Variants in FOXO3 observed in about 807,000 individuals in gnomAD.
The protein encoded by FOXO3 is forkhead box protein O3.
Under a neutral mutation model 41.9 loss-of-function variants are expected in FOXO3, and 4 were observed. The observed-to-expected ratio is 0.10, with a 90% CI of 0.05 to 0.22. The LOEUF (loss-of-function observed/expected upper bound fraction) is 0.22. Among genes scored for constraint, FOXO3 ranks in the 10% least tolerant of loss-of-function variants. The pLI is 1.00. For missense variants in FOXO3, 534 were observed against 906.8 expected (o/e 0.59, Z 5.28); for synonymous variants, 318 against 389.3 (o/e 0.82, Z 2.16).
chr6:108,596,382 GAAAAA>G (rs61683111), intron 1 of FOXO3, among the ~76,000 whole-genome samples: 3 of 58,294 alleles, frequency 5.1e-5, no homozygotes, highest in Admixed American at 2.1e-4. Flanking sequence ...TGGCCTAAAT[GAAAAA>G]AAAAAAAAAA....
intron 1 of FOXO3, among the ~76,000 whole-genome samples, chr6:108,582,269 G>A (rs1037204993): frequency 3.3e-5 from 5 of 152,152 alleles, no homozygotes; most frequent in African/African-American, 1.2e-4. Flanking sequence ...TATGTGCTAG[G>A]TGTGGGAAGC....
In FOXO3 at chr6:108,684,742, AT is replaced by A. The variant is rs1156299994; in HGVS notation, c.*4951del. ...TAGTTTGTAAAAGAGATGGTGACGC[AT>A]GTAAATAAAGCATCAGTGACACTCT... is the stretch of plus-strand genomic sequence containing the variant. On this transcript the variant is annotated 3_prime_UTR_variant, in exon 3 of 3. Coordinates refer to ENST00000406360, the MANE Select transcript of FOXO3 (RefSeq NM_001455.4). 1 of 152,640 alleles carries A rather than the reference AT, an allele frequency of 6.6e-6. No individual in the cohort carries two copies. Among genetic ancestry groups the A allele is most frequent in the African/African-American group, 2.4e-5 (1 of 41,442 alleles). 9.5% of individuals were successfully genotyped at this position (152,640 alleles called of 1,614,324 possible). A position where few individuals can be genotyped will look rare whatever the true frequency, so the allele number is the denominator to read the frequency against.
At chr6:108,644,039 C>T (rs529637776) in intron 1 of FOXO3, among the ~76,000 whole-genome samples, 2 of 152,304 alleles carry the variant, frequency 1.3e-5, no homozygotes, top group African/African-American at 4.8e-5. Context: ...TTTTATGTCC[C>T]TCACTGGAAA....
chr6:108,660,854 C>G (rs1184648310), intron 1 of FOXO3, among the ~76,000 whole-genome samples: 1 of 152,122 alleles, frequency 6.6e-6, no homozygotes. Context: ...CCACACTTCT[C>G]TGTCCCCTGC....
chr6:108,612,382 A>C (rs1777387319), intron 1 of FOXO3, among the ~76,000 whole-genome samples: 1 of 152,074 alleles, frequency 6.6e-6, no homozygotes, highest in Non-Finnish European at 1.5e-5. Flanking sequence ...GATCATGTCT[A>C]TAAATAGAGT....
intron 1 of FOXO3, among the ~76,000 whole-genome samples, chr6:108,622,385 G>A (rs1233622757): frequency 6.6e-6 from 1 of 152,088 alleles, no homozygotes; most frequent in Non-Finnish European, 1.5e-5. Context: ...ATCAGGGTGG[G>A]CAGGGAGAGA....
chr6:108,582,219 G>C (rs1419305985), intron 1 of FOXO3, among the ~76,000 whole-genome samples: 1 of 152,138 alleles, frequency 6.6e-6, no homozygotes, highest in African/African-American at 2.4e-5. Context: ...GTGCCTACCA[G>C]CTGCTTTTAG....
chr6:108,565,556 G>A (rs111254195), intron 1 of FOXO3, among the ~76,000 whole-genome samples: 5,446 of 152,278 alleles, frequency 0.036, 134 homozygotes, highest in Middle Eastern at 0.095. Context: ...CCATGGGTCA[G>A]GGTGTAATCA....
At chr6:108,661,336 G>A (rs58334534) in intron 1 of FOXO3, among the ~76,000 whole-genome samples, 7,983 of 151,860 alleles carry the variant, frequency 0.053, 716 homozygotes, top group African/African-American at 0.18. Context: ...ATATATATAT[G>A]TATATATAAC....
Position 108,663,887 on chromosome 6 carries a change from G to T in FOXO3, c.1054G>T (p.Ala352Ser), listed in dbSNP as rs368771621. Residue 352 changes from alanine (A) to serine (S), a missense_variant, in exon 2 of 3, where the codon GCC (alanine) becomes TCC (serine). This residue lies in a region of FOXO3 where 185 missense variants were observed against 224.9 expected (regional missense o/e 0.82). Transcript: ENST00000406360. ...CTCGCCCATGCTCTACAGCAGCTCAGCCAGCCTGTCACCTTCAGTAAGCAA... is the reference window on the plus strand; with the variant it reads ...CTCGCCCATGCTCTACAGCAGCTCATCCAGCCTGTCACCTTCAGTAAGCAA... ...PLSPMLYSSS[A>S]SLSPSVSKPC... is the part of the protein sequence containing the mutation. 1.9e-6 allele frequency: 3 copies of T among 1,614,188 alleles called. No homozygotes were observed. Among genetic ancestry groups the T allele is most frequent in the Non-Finnish European group, 2.5e-6 (3 of 1,180,006 alleles).
Position 108,612,920 on chromosome 6 carries a change from G to A in FOXO3, c.622-50535G>A, listed in dbSNP as rs1185141548. Among the ~76,000 whole-genome samples the A allele has an allele frequency of 2.0e-5, 3 of 152,130 alleles. No individual in the cohort carries two copies. In the East Asian group the frequency reaches 5.8e-4, roughly 29 times the overall value. On this transcript the variant is annotated intron_variant, in intron 1 of 2. Transcript: ENST00000406360. ...ATATTTCCTTTATCAGGCTGAGGTA[G>A]TTTTCTCTATTCCTATGTGTTGAGT... is the stretch of plus-strand genomic sequence containing the variant.
chr6:108,565,674 A>G (rs1775931066), intron 1 of FOXO3, among the ~76,000 whole-genome samples: 1 of 152,224 alleles, frequency 6.6e-6, no homozygotes, highest in African/African-American at 2.4e-5. Flanking sequence ...TAATTCTTCA[A>G]GAGTCCGAGT....
intron 1 of FOXO3, among the ~76,000 whole-genome samples, chr6:108,584,097 T>C (rs1193976161): frequency 6.6e-6 from 1 of 152,200 alleles, no homozygotes; most frequent in African/African-American, 2.4e-5. Context: ...TATTCATCCA[T>C]TTAGTTTCAT....
At chr6:108,673,803 A>G (rs977255549) in intron 2 of FOXO3, among the ~76,000 whole-genome samples, 2 of 152,156 alleles carry the variant, frequency 1.3e-5, no homozygotes, top group Non-Finnish European at 2.9e-5. Flanking sequence ...AGAGTCATAC[A>G]GGATAGGGTC....
chr6:108,573,758 G>A (rs776563407), intron 1 of FOXO3, among the ~76,000 whole-genome samples: 47 of 152,168 alleles, frequency 3.1e-4, no homozygotes, highest in Admixed American at 5.9e-4. Flanking sequence ...GAACCCGGGA[G>A]GTGGAGGTTG....
intron 1 of FOXO3, among the ~76,000 whole-genome samples, chr6:108,571,734 C>T (rs1343262302): frequency 1.3e-5 from 2 of 152,152 alleles, no homozygotes; most frequent in Non-Finnish European, 2.9e-5. Flanking sequence ...TTTTGGACTT[C>T]TAGCCTCCAG....
At chr6:108,640,641 A>G (rs879636951) in intron 1 of FOXO3, among the ~76,000 whole-genome samples, 1 of 152,148 alleles carries the variant, frequency 6.6e-6, no homozygotes, top group Admixed American at 6.5e-5. Context: ...CATTTAGTCA[A>G]TTTGAGGTTT....
At chr6:108,588,836 T>C (rs1776657382) in intron 1 of FOXO3, among the ~76,000 whole-genome samples, 1 of 152,222 alleles carries the variant, frequency 6.6e-6, no homozygotes, top group Non-Finnish European at 1.5e-5. Flanking sequence ...GCTGGGATTA[T>C]TTTCTGCAAC....
chr6:108,630,989 T>C (rs1777958919), intron 1 of FOXO3, among the ~76,000 whole-genome samples: 1 of 152,194 alleles, frequency 6.6e-6, no homozygotes, highest in Non-Finnish European at 1.5e-5. Context: ...TTTCTTTTTG[T>C]TTAACATGTA....
Sources: allele counts gnomAD v4.1 joint callset (sites outside exome capture counted in the v4.1 genomes callset), GRCh38; gene constraint gnomAD v4.1.1; regional missense constraint gnomAD v4.1.1; transcripts MANE v1.5; gene names NCBI Gene and HGNC (gene_info 2026-07-23, HGNC 2026-07-21).